The following SLC4A4 variants were observed in gnomAD, a reference collection of about 807,000 sequenced individuals.
SLC4A4 encodes the protein solute carrier family 4 member 4, also known as electrogenic sodium bicarbonate cotransporter 1.
SLC4A4 carries 27 observed loss-of-function variants against 111.5 expected under a neutral mutation model. The observed-to-expected ratio is 0.24, with a 90% CI of 0.18 to 0.33. The LOEUF (loss-of-function observed/expected upper bound fraction) is 0.33. Among genes scored for constraint, SLC4A4 ranks in the 10% least tolerant of loss-of-function variants. The pLI is 1.00. For missense variants in SLC4A4, 909 were observed against 1,315.5 expected (o/e 0.69, Z 4.78); for synonymous variants, 443 against 463.4 (o/e 0.96, Z 0.57).
chr4:71,310,831 A>T (rs909507204), intron 3 of SLC4A4, among the ~76,000 whole-genome samples: 1 of 152,228 alleles, frequency 6.6e-6, no homozygotes, highest in African/African-American at 2.4e-5. Context: ...CACACATAAC[A>T]ATATTAACCT....
chr4:71,518,247 C>G (rs529558375), intron 16 of SLC4A4, among the ~76,000 whole-genome samples: 3 of 152,058 alleles, frequency 2.0e-5, no homozygotes, highest in Non-Finnish European at 4.4e-5. Flanking sequence ...GAGACTAAGT[C>G]TGTGAGGGCT....
intron 1 of SLC4A4, among the ~76,000 whole-genome samples, chr4:71,224,658 G>C (rs562710447): frequency 2.6e-5 from 4 of 152,192 alleles, no homozygotes; most frequent in South Asian, 2.1e-4. Context: ...CATTGATTTG[G>C]GGGGGATTGC....
intron 1 of SLC4A4, among the ~76,000 whole-genome samples, chr4:71,081,307 G>T (rs1303954527): frequency 6.6e-6 from 1 of 152,046 alleles, no homozygotes; most frequent in East Asian, 1.9e-4. Context: ...TTCATGCAGA[G>T]CCTGGGCTTA....
rs1745512344 is a variant in SLC4A4, at chr4:71,187,318, G to GGCGGCGGCGGCAGTGGCAGTGGCC, written c.-82_-59dup. Reference sequence around the variant, plus strand: ...CGGCCGCGGTGGCAGCGAAGGCGGCGGCGGCGGCGGCAGTGGCAGTGGCCG... The same window carrying GGCGGCGGCGGCAGTGGCAGTGGCC: ...CGGCCGCGGTGGCAGCGAAGGCGGCGGCGGCGGCGGCAGTGGCAGTGGCCGCGGCGGCGGCAGTGGCAGTGGCCG... On this transcript the variant is annotated 5_prime_UTR_variant, in exon 1 of 26. Transcript: ENST00000264485. 6.5e-6 allele frequency: 1 copy of GGCGGCGGCGGCAGTGGCAGTGGCC among 154,838 alleles called. No individual in the cohort carries two copies. The highest frequency in any genetic ancestry group is 2.4e-5 in the African/African-American group (1 of 41,202). The allele number at this position is 154,838 out of a possible 1,614,324, so 9.6% of individuals were successfully genotyped here. A position where few individuals can be genotyped will look rare whatever the true frequency, so the allele number is the denominator to read the frequency against.
At chr4:71,389,066 G>C (rs1321311249) in intron 6 of SLC4A4, among the ~76,000 whole-genome samples, 10 of 152,124 alleles carry the variant, frequency 6.6e-5, no homozygotes, top group Non-Finnish European at 1.2e-4. Context: ...AAACAGGAAT[G>C]AACAGGGTCT....
chr4:71,282,191 G>A (rs1156764636), intron 3 of SLC4A4, among the ~76,000 whole-genome samples: 2 of 151,864 alleles, frequency 1.3e-5, no homozygotes, highest in African/African-American at 2.4e-5. Context: ...TTAAAAGTAG[G>A]CCCTGTGAAA....
intron 23 of SLC4A4, among the ~76,000 whole-genome samples, chr4:71,563,084 T>C (rs1737140644): frequency 6.6e-6 from 1 of 151,776 alleles, no homozygotes. Flanking sequence ...TTGGGCTAGG[T>C]GGCTTGTTCT....
At chr4:71,146,077 G>A (rs951287740) in intron 2 of SLC4A4, among the ~76,000 whole-genome samples, 1 of 152,038 alleles carries the variant, frequency 6.6e-6, no homozygotes, top group Non-Finnish European at 1.5e-5. Flanking sequence ...TTTCTCTTGT[G>A]GGCATTTAGT....
chr4:71,330,474 G>A (rs1222835562), intron 3 of SLC4A4, among the ~76,000 whole-genome samples: 1 of 152,158 alleles, frequency 6.6e-6, no homozygotes, highest in Non-Finnish European at 1.5e-5. Context: ...ACAAAAACAA[G>A]CAATGGGGAA....
At chr4:71,135,183 A>G (rs1743809225) in intron 2 of SLC4A4, among the ~76,000 whole-genome samples, 3 of 152,158 alleles carry the variant, frequency 2.0e-5, no homozygotes, top group Admixed American at 2.0e-4. Context: ...TTGTGTATAT[A>G]CATCATGTAC....
chr4:71,400,910 A>G (rs1720298455), intron 7 of SLC4A4, among the ~76,000 whole-genome samples: 1 of 152,160 alleles, frequency 6.6e-6, no homozygotes, highest in South Asian at 2.1e-4. Context: ...GAAAGCTTTT[A>G]TAATTAATTA....
chr4:71,363,162 GT>G (rs1449375167), intron 6 of SLC4A4, among the ~76,000 whole-genome samples: 6 of 152,076 alleles, frequency 3.9e-5, no homozygotes, highest in African/African-American at 1.4e-4. Flanking sequence ...GTCTATTGCT[GT>G]TACCTACAGT....
chr4:71,134,204 T>C lies in SLC4A4; in HGVS notation c.-2+41412T>C, dbSNP rs142636103. Among the ~76,000 whole-genome samples, 540 of 152,352 alleles carry C rather than the reference T, an allele frequency of 3.5e-3. 1 individual carries two copies. Among genetic ancestry groups the C allele is most frequent in the Middle Eastern group, 0.01 (3 of 294 alleles). ...ATGAGGTTCTATTGAATTTTCAAGATAAAACACAAGGCTTCAAGAATATTT... is the reference window on the plus strand; with the variant it reads ...ATGAGGTTCTATTGAATTTTCAAGACAAAACACAAGGCTTCAAGAATATTT... On this transcript the variant is annotated intron_variant, in intron 2 of 26. Transcript: ENST00000649996.
chr4:71,249,961 G>A (rs554236629), intron 2 of SLC4A4, among the ~76,000 whole-genome samples: 1 of 152,054 alleles, frequency 6.6e-6, no homozygotes, highest in Admixed American at 6.6e-5. Context: ...TTAAATAAAA[G>A]TGTCAACCAC....
intron 2 of SLC4A4, among the ~76,000 whole-genome samples, chr4:71,239,468 G>A (rs1220331528): frequency 6.6e-6 from 1 of 152,116 alleles, no homozygotes; most frequent in Non-Finnish European, 1.5e-5. Flanking sequence ...TAGTTGCTTC[G>A]AATGCTGTGG....
At chr4:71,256,933 A>C (rs1721497594) in intron 3 of SLC4A4, among the ~76,000 whole-genome samples, 1 of 152,180 alleles carries the variant, frequency 6.6e-6, no homozygotes, top group African/African-American at 2.4e-5. Context: ...GATTAGAACA[A>C]GAGTGCATCA....
At chr4:71,453,176 T>A (rs1725923063) in intron 11 of SLC4A4, among the ~76,000 whole-genome samples, 1 of 152,184 alleles carries the variant, frequency 6.6e-6, no homozygotes, top group African/African-American at 2.4e-5. Context: ...AGGGCCTTTA[T>A]ATGATCTGCT....
At chr4:71,344,103 G>T (rs541516572) in intron 4 of SLC4A4, among the ~76,000 whole-genome samples, 19 of 151,920 alleles carry the variant, frequency 1.3e-4, no homozygotes, top group African/African-American at 4.6e-4. Context: ...TCTTGTTATT[G>T]TCTCTTCCCA....
At chr4:71,464,395 A>G (rs1308908113) in intron 12 of SLC4A4, among the ~76,000 whole-genome samples, 1 of 152,160 alleles carries the variant, frequency 6.6e-6, no homozygotes, top group South Asian at 2.1e-4. Flanking sequence ...GCATAAATAC[A>G]TCTTGGTTCT....
Sources: allele counts gnomAD v4.1 joint callset (sites outside exome capture counted in the v4.1 genomes callset), GRCh38; gene constraint gnomAD v4.1.1; transcripts MANE v1.5; gene names NCBI Gene and HGNC (gene_info 2026-07-23, HGNC 2026-07-21).